ANO10: variants seen among roughly 807,000 people sequenced by gnomAD.
The protein encoded by ANO10 is anoctamin 10.
Under a neutral mutation model 74.7 loss-of-function variants are expected in ANO10, and 77 were observed. The observed-to-expected ratio is 1.03, with a 90% confidence interval of 0.86 to 1.25. The LOEUF is 1.25. ANO10 is among the 50% of genes most tolerant of loss of function. The probability of loss-of-function intolerance (pLI) is 0.00; values close to 1 mark genes in which losing one functional copy is unlikely to be tolerated. For missense variants in ANO10, 721 were observed against 778.1 expected, an observed-to-expected ratio of 0.93 and a Z score of 0.87; for synonymous variants, 279 against 284.9, an observed-to-expected ratio of 0.98 and a Z score of 0.21.
chr3:43,585,554 T>C (rs1362440336), intron 4 of ANO10, among the ~76,000 whole-genome samples: 1 of 152,194 alleles, frequency 6.6e-6, no homozygotes. Context: ...TGCTGCTCCA[T>C]TATCCCATCT....
intron 12 of ANO10, among the ~76,000 whole-genome samples, chr3:43,386,382 A>G (rs1004683003): frequency 5.3e-4 from 56 of 106,004 alleles, no homozygotes; most frequent in Admixed American, 1.1e-3. Flanking sequence ...GGAAGAAAGG[A>G]GGAAAGGGGA....
At chr3:43,566,076 A>C (rs1013159138) in intron 7 of ANO10, among the ~76,000 whole-genome samples, 11 of 152,144 alleles carry the variant, frequency 7.2e-5, no homozygotes, top group African/African-American at 2.7e-4. Context: ...GGGGTGACGG[A>C]CGGCACCTGG....
intron 4 of ANO10, among the ~76,000 whole-genome samples, chr3:43,588,871 G>C (rs756715240): frequency 1.3e-5 from 2 of 152,098 alleles, no homozygotes; most frequent in African/African-American, 2.4e-5. Flanking sequence ...AAAGGTAAAA[G>C]AAAATACGAA....
intron 12 of ANO10, among the ~76,000 whole-genome samples, chr3:43,417,867 A>C (rs2092764798): frequency 6.6e-6 from 1 of 152,314 alleles, no homozygotes. Context: ...TCCCTCCCTC[A>C]GCTCTAAGCT....
At chr3:43,601,639 C>T (rs913070887) in intron 2 of ANO10, among the ~76,000 whole-genome samples, 7 of 152,150 alleles carry the variant, frequency 4.6e-5, no homozygotes, top group Middle Eastern at 3.2e-3. Context: ...TATATTAAGA[C>T]ACTATCATCT....
intron 11 of ANO10, among the ~76,000 whole-genome samples, chr3:43,476,604 T>C (rs924437664): frequency 6.6e-6 from 1 of 152,194 alleles, no homozygotes; most frequent in Non-Finnish European, 1.5e-5. Flanking sequence ...TTTTCTCCTT[T>C]TCCTTTTCTT....
chr3:43,573,001 T>C (rs1223217563), intron 7 of ANO10, among the ~76,000 whole-genome samples: 3 of 151,940 alleles, frequency 2.0e-5, no homozygotes, highest in Non-Finnish European at 4.4e-5. Context: ...ACGGCTTTTT[T>C]TTTTTTTTAC....
chr3:43,457,803 T>A (rs1012489333), intron 11 of ANO10, among the ~76,000 whole-genome samples: 1 of 152,160 alleles, frequency 6.6e-6, no homozygotes, highest in African/African-American at 2.4e-5. Context: ...CAGGTGGAAA[T>A]CAAATTAACT....
intron 11 of ANO10, among the ~76,000 whole-genome samples, chr3:43,449,911 T>TA (rs2074783279): frequency 6.6e-6 from 1 of 152,220 alleles, no homozygotes; most frequent in African/African-American, 2.4e-5. Flanking sequence ...CTCCCATCCA[T>TA]AAACATGGGA....
At chr3:43,437,396 G>T (rs1412146642) in intron 11 of ANO10, among the ~76,000 whole-genome samples, 1 of 152,176 alleles carries the variant, frequency 6.6e-6, no homozygotes, top group Non-Finnish European at 1.5e-5. Context: ...GAGAAGCTGG[G>T]GTCATAGGGA....
chr3:43,430,772 C>T (rs755192492), intron 12 of ANO10, among the ~76,000 whole-genome samples: 5 of 151,980 alleles, frequency 3.3e-5, no homozygotes, highest in Non-Finnish European at 7.4e-5. Context: ...TTGCTATTCT[C>T]AGATGTTTAT....
At chr3:43,552,827 CTT>C (rs1296876639) in intron 10 of ANO10, among the ~76,000 whole-genome samples, 13 of 151,284 alleles carry the variant, frequency 8.6e-5, no homozygotes, top group Admixed American at 5.3e-4. Flanking sequence ...GAGCTTTGCT[CTT>C]GTCACCCAGG....
At position 43,510,484 on chromosome 3, in the gene ANO10, A is replaced by T. The variant is rs1277393786; in HGVS notation, c.1797+39236T>A. Among the ~76,000 whole-genome samples the T allele has an allele frequency of 3.3e-5, 5 of 151,968 alleles. No homozygotes were observed. In the East Asian group the frequency reaches 9.6e-4, roughly 29 times the overall value. On this transcript the variant is annotated intron_variant, in intron 11 of 12. Transcript: ENST00000292246. ...AAATACACACACACAAGTACAGGTA[A>T]AACTGGGGAAATCTGAATTAGATCA...
At chr3:43,376,083 A>ATGGAGAGCTGC (rs2091796207) in intron 12 of ANO10, among the ~76,000 whole-genome samples, 2 of 152,214 alleles carry the variant, frequency 1.3e-5, no homozygotes, top group Admixed American at 6.5e-5. Context: ...CTGGCTGGTG[A>ATGGAGAGCTGC]TGGAGAGCTG....
intron 12 of ANO10, among the ~76,000 whole-genome samples, chr3:43,418,112 A>G (rs2092769047): frequency 6.6e-6 from 1 of 152,136 alleles, no homozygotes; most frequent in Non-Finnish European, 1.5e-5. Flanking sequence ...CTCCATCTCT[A>G]CTAAAAATAA....
At chr3:43,414,604 T>C (rs141311134) in intron 12 of ANO10, among the ~76,000 whole-genome samples, 13 of 152,304 alleles carry the variant, frequency 8.5e-5, no homozygotes, top group African/African-American at 3.1e-4. Flanking sequence ...CAAAACGACC[T>C]GTTTTTGGTT....
chr3:43,549,687 T>C, intron 11 of ANO10, 33 bp downstream of exon 11: 6 of 1,612,070 alleles, frequency 3.7e-6, no homozygotes, highest in Non-Finnish European at 5.1e-6. Context: ...GTAATATGGA[T>C]ACTGCTTAAA....
intron 1 of ANO10, among the ~76,000 whole-genome samples, chr3:43,656,117 G>A (rs1368366005): frequency 1.3e-5 from 2 of 151,552 alleles, no homozygotes; most frequent in East Asian, 3.9e-4. Context: ...GCTAGATACA[G>A]AATGCCAACT....
chr3:43,561,625 G>C (rs1191334944), intron 8 of ANO10, among the ~76,000 whole-genome samples: 3 of 152,056 alleles, frequency 2.0e-5, no homozygotes, highest in Non-Finnish European at 4.4e-5. Context: ...TTTTTCACAT[G>C]AAAGACCAAG....
Sources: gnomAD v4.1 joint callset for allele counts (sites outside exome capture counted in the v4.1 genomes callset) on GRCh38, gnomAD v4.1.1 for gene constraint, MANE v1.5 for transcripts, NCBI Gene and HGNC (gene_info 2026-07-23, HGNC 2026-07-21) for gene names.